The following DPF3 variants were observed in gnomAD, a reference collection of about 807,000 sequenced individuals.
DPF3 encodes zinc finger protein DPF3.
DPF3 carries 18 observed loss-of-function variants against 56.8 expected under a neutral mutation model. The observed-to-expected ratio is 0.32, with a 90% CI of 0.22 to 0.47. The LOEUF is 0.47. Among genes scored for constraint, DPF3 ranks in the 20% least tolerant of loss-of-function variants. The pLI is 1.00. For missense variants in DPF3, 403 were observed against 488.8 expected (o/e 0.82, Z 1.65); for synonymous variants, 188 against 180.2 (o/e 1.04, Z -0.35).
intron 8 of DPF3, among the ~76,000 whole-genome samples, chr14:72,666,892 C>T (rs909472257): frequency 2.0e-5 from 3 of 152,178 alleles, no homozygotes; most frequent in African/African-American, 4.8e-5. Context: ...ATTTTAAGTA[C>T]ACGTTCAAGA....
intron 2 of DPF3, among the ~76,000 whole-genome samples, chr14:72,759,989 T>C (rs1473215240): frequency 6.6e-6 from 1 of 152,068 alleles, no homozygotes; most frequent in African/African-American, 2.4e-5. Flanking sequence ...TAATTCATCA[T>C]CAACAAACCC....
chr14:72,886,804 A>T (rs1886564441), intron 1 of DPF3, among the ~76,000 whole-genome samples: 1 of 152,022 alleles, frequency 6.6e-6, no homozygotes, highest in Non-Finnish European at 1.5e-5. Context: ...GAAATCTGAG[A>T]TGTTCTGGAG....
chr14:72,717,139 C>T (rs1599381016), intron 5 of DPF3, among the ~76,000 whole-genome samples: 1 of 152,336 alleles, frequency 6.6e-6, no homozygotes. Flanking sequence ...CATGATTGTG[C>T]TCTCCTCTGC....
chr14:72,887,331 G>A (rs189443000), intron 1 of DPF3, among the ~76,000 whole-genome samples: 3 of 152,134 alleles, frequency 2.0e-5, no homozygotes, highest in South Asian at 4.1e-4. Flanking sequence ...TGGGATGCTA[G>A]TGAGAAGAAA....
intron 1 of DPF3, among the ~76,000 whole-genome samples, chr14:72,873,739 A>G (rs1246606469): frequency 1.3e-5 from 2 of 152,222 alleles, no homozygotes; most frequent in African/African-American, 2.4e-5. Context: ...AATACTATGT[A>G]GCCATTAAAA....
intron 1 of DPF3, among the ~76,000 whole-genome samples, chr14:72,794,050 C>A (rs1012296539): frequency 1.3e-5 from 2 of 152,192 alleles, no homozygotes; most frequent in African/African-American, 4.8e-5. Flanking sequence ...CAGCAAAGCG[C>A]TTCAGTGAAA....
At chr14:72,796,277 A>G (rs1276752874) in intron 1 of DPF3, among the ~76,000 whole-genome samples, 1 of 152,204 alleles carries the variant, frequency 6.6e-6, no homozygotes, top group Non-Finnish European at 1.5e-5. Flanking sequence ...GGAGGCAGGC[A>G]GATCACTTGA....
chr14:72,874,393 C>T (rs1886027590), intron 1 of DPF3, among the ~76,000 whole-genome samples: 2 of 151,752 alleles, frequency 1.3e-5, no homozygotes, highest in African/African-American at 4.8e-5. Context: ...GCAGGAGAAT[C>T]ACTTGAACCC....
chr14:72,676,058 G>A (rs1886893963), intron 7 of DPF3, among the ~76,000 whole-genome samples: 1 of 152,158 alleles, frequency 6.6e-6, no homozygotes, highest in Non-Finnish European at 1.5e-5. Flanking sequence ...ACTCTCCTAA[G>A]AAAATCCAAG....
In DPF3 at chr14:72,650,205, G is replaced by A. The variant is rs574897088; in HGVS notation, c.872-20469C>T. Among the ~76,000 whole-genome samples the A allele has an allele frequency of 1.4e-4, 21 of 152,216 alleles. No homozygotes were observed. In the East Asian group the frequency reaches 3.3e-3, roughly 24 times the overall value. On this transcript the variant is annotated intron_variant, in intron 8 of 10. Transcript: ENST00000556509. ...GGGACTGCTCATTAGCTACCCAGCCGTGGTAGCTAATCTAAGATCCGGGAA... is the reference window on the plus strand; with the variant it reads ...GGGACTGCTCATTAGCTACCCAGCCATGGTAGCTAATCTAAGATCCGGGAA...
chr14:72,705,822 CTG>C (rs1167410237), intron 6 of DPF3, among the ~76,000 whole-genome samples: 1 of 152,180 alleles, frequency 6.6e-6, no homozygotes, highest in Admixed American at 6.5e-5. Context: ...GAGAAACAAA[CTG>C]TCATCACACA....
chr14:72,818,387 A>G (rs2140029792), intron 1 of DPF3, among the ~76,000 whole-genome samples: 1 of 152,276 alleles, frequency 6.6e-6, no homozygotes, highest in African/African-American at 2.4e-5. Flanking sequence ...GCTCTTCAAA[A>G]GACATTGTTA....
At chr14:72,637,960 CTT>C (rs1357716967) in intron 8 of DPF3, among the ~76,000 whole-genome samples, 1 of 152,144 alleles carries the variant, frequency 6.6e-6, no homozygotes, top group Non-Finnish European at 1.5e-5. Flanking sequence ...ATCTAAAGGA[CTT>C]TTCATCAACC....
At chr14:72,719,576 T>C (rs1168116847) in intron 5 of DPF3, among the ~76,000 whole-genome samples, 1 of 152,246 alleles carries the variant, frequency 6.6e-6, no homozygotes, top group African/African-American at 2.4e-5. Flanking sequence ...GATTGATTGA[T>C]AATTGATTAA....
At chr14:72,843,898 A>G (rs1295501823) in intron 1 of DPF3, among the ~76,000 whole-genome samples, 1 of 152,226 alleles carries the variant, frequency 6.6e-6, no homozygotes, top group African/African-American at 2.4e-5. Flanking sequence ...CTCTGAGCTT[A>G]TATATATTAA....
In DPF3 at chr14:72,619,211, A is replaced by G. The variant is rs1483695499; in HGVS notation, c.*86T>C. On this transcript the variant is annotated 3_prime_UTR_variant, in exon 11 of 11. Coordinates refer to ENST00000556509, the MANE Select transcript of DPF3 (RefSeq NM_001280542.3). ...TTTTCCTTGCAGTTGGTCTGGCTGGATATGTGGGAGGAGGGCGCGTTCTGG... is the reference window on the plus strand; with the variant it reads ...TTTTCCTTGCAGTTGGTCTGGCTGGGTATGTGGGAGGAGGGCGCGTTCTGG... 1.5e-6 allele frequency: 2 copies of G among 1,332,712 alleles called. No homozygotes were observed. The highest frequency in any genetic ancestry group is 2.1e-5 in the Admixed American group (1 of 46,754). The allele number at this position is 1,332,712 out of a possible 1,614,324, so 82.6% of individuals were successfully genotyped here. A position where few individuals can be genotyped will look rare whatever the true frequency, so the allele number is the denominator to read the frequency against.
intron 1 of DPF3, among the ~76,000 whole-genome samples, chr14:72,843,487 A>C (rs1189996671): frequency 6.6e-6 from 1 of 152,234 alleles, no homozygotes; most frequent in African/African-American, 2.4e-5. Context: ...CTGGCACTGA[A>C]GGCCAACTTG....
chr14:72,715,860 C>T (rs1195716177), intron 5 of DPF3, among the ~76,000 whole-genome samples: 2 of 148,006 alleles, frequency 1.4e-5, no homozygotes, highest in Non-Finnish European at 3.0e-5. Context: ...ACCCCTGCAG[C>T]GCTGACAGCC....
intron 7 of DPF3, among the ~76,000 whole-genome samples, chr14:72,680,581 G>T (rs1372563136): frequency 6.6e-6 from 1 of 152,268 alleles, no homozygotes; most frequent in African/African-American, 2.4e-5. Flanking sequence ...AAAGTAAAGG[G>T]GACTACGCTG....
Sources: gnomAD v4.1 joint callset for allele counts (sites outside exome capture counted in the v4.1 genomes callset) on GRCh38, gnomAD v4.1.1 for gene constraint, MANE v1.5 for transcripts, NCBI Gene and HGNC (gene_info 2026-07-23, HGNC 2026-07-21) for gene names.